Variants in ZNF800 observed in about 807,000 individuals in gnomAD.
The protein encoded by ZNF800 is zinc finger protein 800.
In ZNF800, 13 loss-of-function variants were observed where a neutral mutation model predicts 59.5. That is an observed-to-expected ratio of 0.22 (90% CI 0.14 to 0.35). The LOEUF is 0.35. Among genes scored for constraint, ZNF800 ranks in the 10% least tolerant of loss-of-function variants. ZNF800 has a pLI of 1.00. For missense variants in ZNF800, 621 were observed against 783.7 expected (o/e 0.79, Z 2.48); for synonymous variants, 266 against 265.7 (o/e 1.00, Z -0.01).
chr7:127,376,623 T>C (rs1462156319), intron 4 of ZNF800, among the ~76,000 whole-genome samples: 1 of 151,940 alleles, frequency 6.6e-6, no homozygotes, highest in African/African-American at 2.4e-5. Flanking sequence ...GAAAATGACT[T>C]ATCTAAATTT....
At chr7:127,372,767 TATGTTAAA>T in intron 5 of ZNF800, 6 of 985,372 alleles carry the variant, frequency 6.1e-6, no homozygotes, top group Non-Finnish European at 7.2e-6. Context: ...CTGGAAGCAC[TATGTTAAA>T]AGTAAATGAT....
chr7:127,373,231 A>C lies in ZNF800; in HGVS notation c.1994+111T>G, dbSNP rs1800679987. The C allele has an allele frequency of 2.0e-6, 3 of 1,493,624 alleles. No individual in the cohort carries two copies. In the South Asian group the frequency reaches 4.3e-5, roughly 21 times the overall value. The allele number at this position is 1,493,624 out of a possible 1,614,324, so 92.5% of individuals were successfully genotyped here. A position where few individuals can be genotyped will look rare whatever the true frequency, so the allele number is the denominator to read the frequency against. On this transcript the variant is annotated intron_variant, in intron 5 of 5. Transcript: ENST00000265827. ...CTCTTGCAGTTCCCATTGCCATGAG[A>C]TATATGGAAGCAAACGTGTTAAAAT...
intron 1 of ZNF800, among the ~76,000 whole-genome samples, chr7:127,357,926 C>A (rs2040500): frequency 0.78 from 118,023 of 151,834 alleles, 46,122 homozygotes; most frequent in East Asian, 0.95. Context: ...AGGTATTATC[C>A]TAAATTACAT....
intron 1 of ZNF800, among the ~76,000 whole-genome samples, chr7:127,354,513 T>C (rs1166216839): frequency 2.0e-5 from 3 of 152,178 alleles, no homozygotes; most frequent in African/African-American, 7.2e-5. Context: ...GTATGCATAA[T>C]ATGCTACCAT....
chr7:127,348,882 T>C (rs897206137), intron 1 of ZNF800, among the ~76,000 whole-genome samples: 3 of 152,246 alleles, frequency 2.0e-5, no homozygotes, highest in Admixed American at 1.3e-4. Context: ...TGTAGCAAAG[T>C]GGTGGACATC....
intron 5 of ZNF800, 74 bp downstream of exon 5, chr7:127,373,268 T>C (rs149137182): frequency 1.0e-4 from 157 of 1,519,676 alleles, no homozygotes; most frequent in Non-Finnish European, 1.3e-4. Flanking sequence ...GAACCAGCTA[T>C]AAATTATGGT....
intron 1 of ZNF800, 53 bp downstream of exon 1, chr7:127,392,007 T>TG (rs1167689023): frequency 7.8e-6 from 3 of 385,620 alleles, no homozygotes; most frequent in South Asian, 1.4e-4. Flanking sequence ...GCACGTGCGT[T>TG]GGGGTCTCCC....
chr7:127,378,753 A>G (rs1800864297), intron 3 of ZNF800, among the ~76,000 whole-genome samples: 1 of 151,820 alleles, frequency 6.6e-6, no homozygotes. Context: ...AGAGGGAGAT[A>G]ATTATTGTTG....
chr7:127,348,118 G>A (rs1316901052), intron 1 of ZNF800: 1 of 152,138 alleles, frequency 6.6e-6, no homozygotes, highest in Non-Finnish European at 1.5e-5. Flanking sequence ...CAAGGAAAGA[G>A]CGCCGACGCC....
chr7:127,370,662 A>T lies in ZNF800; in HGVS notation c.*1152T>A, dbSNP rs1438007983. ...TGGTATATTTTCTGCTGTACCTTTTATAATTATAATTTGACACAAATAACT... is the reference window on the plus strand; with the variant it reads ...TGGTATATTTTCTGCTGTACCTTTTTTAATTATAATTTGACACAAATAACT... On this transcript the variant is annotated 3_prime_UTR_variant, in exon 6 of 6. Transcript: ENST00000265827. 1.3e-5 allele frequency: 2 copies of T among 152,584 alleles called. No homozygotes were observed. The highest frequency in any genetic ancestry group is 4.8e-5 in the African/African-American group (2 of 41,446). The allele number at this position is 152,584 out of a possible 1,614,324, so 9.5% of individuals were successfully genotyped here. A position where few individuals can be genotyped will look rare whatever the true frequency, so the allele number is the denominator to read the frequency against.
chr7:127,374,137 G>T lies in ZNF800; in HGVS notation c.1199C>A (p.Thr400Asn), dbSNP rs1205609593. The change falls in exon 5 of 6, where the codon ACT becomes AAT. Residue 400 changes from threonine (T) to asparagine (N), a missense_variant. Physicochemically the swap from Thr to Asn is moderately conservative, Grantham distance 65. This residue lies in a region of ZNF800 where 185 missense variants were observed against 177.6 expected (regional missense o/e 1.04). Coordinates refer to ENST00000265827, the MANE Select transcript of ZNF800 (RefSeq NM_176814.5). ...AACTTTTATTTCTGAACTGTTGGCA[G>T]TATTATTAGGGCCTTTTTCTCTTTT... The part of the protein sequence containing the change: ...NSKREKGPNN[T>N]ANSSEIKVKV... 1 of 1,613,392 alleles carries T rather than the reference G, an allele frequency of 6.2e-7. No individual in the cohort carries two copies. The highest frequency in any genetic ancestry group is 8.5e-7 in the Non-Finnish European group (1 of 1,179,870).
At chr7:127,364,025 T>G (rs559415175) in intron 1 of ZNF800, 16 of 152,146 alleles carry the variant, frequency 1.1e-4, no homozygotes, top group Non-Finnish European at 1.6e-4. Flanking sequence ...TATTTCTATC[T>G]CATTAGAAGA....
At chr7:127,381,322 A>T (rs1272189479) in intron 3 of ZNF800, among the ~76,000 whole-genome samples, 1 of 152,192 alleles carries the variant, frequency 6.6e-6, no homozygotes, top group Non-Finnish European at 1.5e-5. Flanking sequence ...GTTCCTCATC[A>T]CAACTCCTGA....
At chr7:127,388,608 GT>G (rs60877419) in intron 2 of ZNF800, among the ~76,000 whole-genome samples, 142,204 of 152,268 alleles carry the variant, frequency 0.93, 66,470 homozygotes, top group East Asian at 1. Context: ...TGTTCCATTT[GT>G]ATAAATGTGC....
rs1288926727 is a variant in ZNF800 at position 127,392,074 on chromosome 7, G to A, written c.-73C>T. 17 of 391,268 alleles carry A rather than the reference G, an allele frequency of 4.3e-5. No homozygotes were observed. Among genetic ancestry groups the A allele is most frequent in the Admixed American group, 2.2e-4 (5 of 22,414 alleles). 24.2% of individuals were successfully genotyped at this position (391,268 alleles called of 1,614,324 possible). A position where few individuals can be genotyped will look rare whatever the true frequency, so the allele number is the denominator to read the frequency against. On this transcript the variant is annotated 5_prime_UTR_variant, in exon 1 of 6. Transcript: ENST00000265827. Reference sequence around the variant, plus strand: ...GCCCAACTTACTCAACTCTTAGGGCGGGCCGGCGGGCGGGCGGAAGGAAGG... The same window carrying A: ...GCCCAACTTACTCAACTCTTAGGGCAGGCCGGCGGGCGGGCGGAAGGAAGG...
intron 3 of ZNF800, among the ~76,000 whole-genome samples, chr7:127,380,898 G>A (rs1212393908): frequency 1.3e-5 from 2 of 152,134 alleles, no homozygotes; most frequent in Admixed American, 1.3e-4. Flanking sequence ...AAAGATTAAT[G>A]ACTGTATATT....
intron 1 of ZNF800, chr7:127,363,837 GA>G (rs1003092264): frequency 6.6e-6 from 1 of 151,922 alleles, no homozygotes; most frequent in Non-Finnish European, 1.5e-5. Flanking sequence ...ATTCTTGGAA[GA>G]AAATAAACAT....
At chr7:127,381,090 T>C (rs1167390957) in intron 3 of ZNF800, among the ~76,000 whole-genome samples, 2 of 152,236 alleles carry the variant, frequency 1.3e-5, no homozygotes, top group Non-Finnish European at 2.9e-5. Context: ...CATTACAATA[T>C]GACAATATTA....
chr7:127,360,473 T>C (rs1044077845), intron 1 of ZNF800: 5 of 152,152 alleles, frequency 3.3e-5, no homozygotes, highest in African/African-American at 1.2e-4. Flanking sequence ...TATTTACATA[T>C]AATCCTTTAT....
Sources: gnomAD v4.1 joint callset for allele counts (sites outside exome capture counted in the v4.1 genomes callset) on GRCh38, gnomAD v4.1.1 for gene constraint, gnomAD v4.1.1 regional missense constraint, MANE v1.5 for transcripts, NCBI Gene and HGNC (gene_info 2026-07-23, HGNC 2026-07-21) for gene names.